Variants in PIEZO1 observed in about 807,000 individuals in gnomAD.
PIEZO1 encodes piezo-type mechanosensitive ion channel component 1.
PIEZO1 carries 296 observed loss-of-function variants against 297.2 expected under a neutral mutation model. The ratio of observed to expected loss-of-function variants is 1.00; its 90% CI spans 0.91 to 1.10. The LOEUF (loss-of-function observed/expected upper bound fraction) is 1.10, where lower values mean the gene tolerates loss of function less well. Among genes scored for constraint, PIEZO1 ranks in the 50% least tolerant of loss-of-function variants. The probability of loss-of-function intolerance (pLI) is 0.00; values close to 1 mark genes in which losing one functional copy is unlikely to be tolerated. For missense variants in PIEZO1, 5,018 were observed against 3,455.5 expected (o/e 1.45, Z -11.34); for synonymous variants, 2,427 against 1,507.5 (o/e 1.61, Z -14.13).
chr16:88,725,077 G>A lies in PIEZO1; in HGVS notation c.4166C>T (p.Pro1389Leu). ...CGGGGAGGAGCCCCCTGGACTGTCG[G>A]GCCCTGTGGAGGGGCAGGGTGAGCA... ...GPKDPGLEPG[P>L]DSPGGSSPPR... is the part of the protein sequence containing the mutation. The change falls in exon 30 of 51, where the codon CCC (proline) becomes CTC (leucine). Residue 1389 changes from proline (P) to leucine (L), a missense_variant. Coordinates refer to ENST00000301015, the MANE Select transcript of PIEZO1 (RefSeq NM_001142864.4). 1 of 1,511,760 alleles carries A rather than the reference G, an allele frequency of 6.6e-7. No homozygotes were observed. The highest frequency in any genetic ancestry group is 8.8e-7 in the Non-Finnish European group (1 of 1,132,694). 93.6% of individuals were successfully genotyped at this position (1,511,760 alleles called of 1,614,324 possible).
At chr16:88,727,232 C>G in intron 23 of PIEZO1, 40 bp from the exon 24 acceptor site, 1 of 1,496,404 alleles carries the variant, frequency 6.7e-7, no homozygotes, top group African/African-American at 1.4e-5. Flanking sequence ...ACACGGGGAC[C>G]CACACGAGGT....
At position 88,731,759 on chromosome 16, in the gene PIEZO1, A is replaced by G. The variant is rs1169272955; in HGVS notation, c.3143T>C (p.Phe1048Ser). 3 of 1,549,774 alleles carry G rather than the reference A, an allele frequency of 1.9e-6. No individual in the cohort carries two copies. Among genetic ancestry groups the G allele is most frequent in the East Asian group, 4.9e-5 (2 of 40,778 alleles). The change falls in exon 22 of 51, where the codon TTC becomes TCC. Residue 1048 changes from phenylalanine to serine, a missense_variant. Physicochemically the swap from Phe to Ser is radical, Grantham distance 155. Coordinates refer to ENST00000301015, the MANE Select transcript of PIEZO1 (RefSeq NM_001142864.4). ...WPNYCLFLALFLLYQYLLCLG... is the reference protein window; with the variant it reads ...WPNYCLFLALSLLYQYLLCLG... ...GCACAGCAGGTACTGGTACAGCAGG[A>G]ACAGCGCCAGGAAGAGGCAGTAGTT...
At position 88,755,151 on chromosome 16, in the gene PIEZO1, AC is replaced by A. The variant is rs574936427; in HGVS notation, c.65-5673del. Reference sequence around the variant, plus strand: ...GCACTAGCCGAGGACCACGACTGTCACCTCCACATTGCAGACGAGGAGATGG... The same window carrying A: ...GCACTAGCCGAGGACCACGACTGTCACTCCACATTGCAGACGAGGAGATGG... On this transcript the variant is annotated intron_variant, in intron 1 of 50. Transcript: ENST00000301015. Among the ~76,000 whole-genome samples, 4 of 152,220 alleles carry A rather than the reference AC, an allele frequency of 2.6e-5. No homozygotes were observed. The East Asian group carries it at 7.7e-4, about 29-fold the overall frequency.
At chr16:88,749,143 G>C (rs1446364492) in intron 2 of PIEZO1, among the ~76,000 whole-genome samples, 1 of 151,894 alleles carries the variant, frequency 6.6e-6, no homozygotes, top group Non-Finnish European at 1.5e-5. Flanking sequence ...GGGAGGCTGA[G>C]GCAGGAGAAT....
rs1904297838 is a variant in PIEZO1 at position 88,723,335 on chromosome 16, G to A, written c.4336-7C>T. ...CCCATGCCTGGTACGCCAGCTGTCG[G>A]CCAGCCCCCGGGTTAGGACCCGGCC... is the stretch of plus-strand genomic sequence containing the variant. On this transcript the variant is annotated splice_polypyrimidine_tract_variant and splice_region_variant and intron_variant, in intron 31 of 50. Coordinates refer to ENST00000301015, the MANE Select transcript of PIEZO1 (RefSeq NM_001142864.4). 6.5e-6 allele frequency: 10 copies of A among 1,537,082 alleles called. No individual in the cohort carries two copies. Among genetic ancestry groups the A allele is most frequent in the Non-Finnish European group, 8.7e-6 (10 of 1,146,568 alleles).
rs529060069 is a variant in PIEZO1, at chr16:88,769,766, G to A, written c.64+15135C>T. ...ACACAACATGTAGCTCTGGTGGGCGGAGCGTGGTGGGAAACAGGGAGGGGC... is the reference window on the plus strand; with the variant it reads ...ACACAACATGTAGCTCTGGTGGGCGAAGCGTGGTGGGAAACAGGGAGGGGC... On this transcript the variant is annotated intron_variant, in intron 1 of 50. Coordinates refer to ENST00000301015, the MANE Select transcript of PIEZO1 (RefSeq NM_001142864.4). Among the ~76,000 whole-genome samples the A allele has an allele frequency of 2.6e-5, 4 of 151,848 alleles. 1 individual carries two copies. Among genetic ancestry groups the A allele is most frequent in the Middle Eastern group, 6.8e-3 (2 of 294 alleles).
intron 9 of PIEZO1, 24 bp downstream of exon 9, chr16:88,737,704 G>C: frequency 6.5e-7 from 1 of 1,534,202 alleles, no homozygotes. Context: ...CCACGCTGGC[G>C]TCTCCACCTG....
At position 88,734,735 on chromosome 16, in the gene PIEZO1, T is replaced by C; in HGVS notation, c.1912A>G (p.Met638Val). The C allele has an allele frequency of 1.9e-6, 3 of 1,550,170 alleles. No homozygotes were observed. Among genetic ancestry groups the C allele is most frequent in the Non-Finnish European group, 2.6e-6 (3 of 1,146,902 alleles). The change falls in exon 15 of 51, where the codon ATG becomes GTG. Residue 638 changes from methionine to valine, a missense_variant. Physicochemically the swap from Met to Val is conservative, Grantham distance 21 (BLOSUM62 1). Coordinates refer to ENST00000301015, the MANE Select transcript of PIEZO1 (RefSeq NM_001142864.4). ...AFWWLVVAYT[M>V]LVLIAVYTFQ... ...GTGTAGACGGCGATGAGGACCAGCA[T>C]GGTGTAGGCCACCACGAGCCACCAG...
intron 5 of PIEZO1, chr16:88,738,962 A>G (rs919538714): frequency 1.7e-6 from 1 of 584,990 alleles, no homozygotes. Flanking sequence ...CCTTCCTGGT[A>G]GCAGCTCCCA....
Position 88,731,791 on chromosome 16 carries a change from G to C in PIEZO1, c.3111C>G (p.Leu1037=), listed in dbSNP as rs1904829424. ...CCAGGAAGAGGCAGTAGTTGGGCCA[G>C]AGGCGGGCAATGGCCTGGCGGTGCC... ...TRRHRQAIAR[L]WPNYCLFLAL... The change falls in exon 22 of 51, where the codon CTC becomes CTG. Residue 1037 remains leucine (L), a synonymous_variant. Coordinates refer to ENST00000301015, the MANE Select transcript of PIEZO1 (RefSeq NM_001142864.4). 1.3e-6 allele frequency: 2 copies of C among 1,549,406 alleles called. No homozygotes were observed. Among genetic ancestry groups the C allele is most frequent in the South Asian group, 1.2e-5 (1 of 84,020 alleles).
intron 2 of PIEZO1, chr16:88,742,944 G>A (rs1176914528): frequency 7.6e-6 from 3 of 394,726 alleles, no homozygotes; most frequent in African/African-American, 4.1e-5. Context: ...GGGGCTGCAA[G>A]GAGAAGTTGC....
At chr16:88,738,878 C>T (rs1447461009) in intron 5 of PIEZO1, 142 bp from the exon 6 acceptor site, 2 of 715,336 alleles carry the variant, frequency 2.8e-6, no homozygotes, top group South Asian at 1.8e-5. Context: ...CCTCCCCGGG[C>T]ACAGGCCCCA....
chr16:88,749,359 C>T (rs553189515), intron 2 of PIEZO1, 25 bp downstream of exon 2: 28 of 1,410,118 alleles, frequency 2.0e-5, no homozygotes, highest in African/African-American at 1.3e-4. Flanking sequence ...ACCCTGAGAG[C>T]GTGGGCAGGG....
chr16:88,742,809 G>A (rs1406384911), intron 2 of PIEZO1: 1 of 340,976 alleles, frequency 2.9e-6, no homozygotes, highest in African/African-American at 2.2e-5. Flanking sequence ...TCACCCCAGT[G>A]GGGGCTGCAG....
intron 5 of PIEZO1, chr16:88,739,949 G>C (rs1905529278): frequency 6.6e-6 from 1 of 152,420 alleles, no homozygotes; most frequent in Admixed American, 6.5e-5. Context: ...GAGAGAACAG[G>C]TGTGAGGCCA....
chr16:88,763,367 T>C (rs1390740986), intron 1 of PIEZO1, among the ~76,000 whole-genome samples: 4 of 152,190 alleles, frequency 2.6e-5, no homozygotes, highest in Non-Finnish European at 4.4e-5. Flanking sequence ...TTCTCTGGGA[T>C]TCTGTCTCTT....
At chr16:88,749,569 A>T in intron 1 of PIEZO1, 90 bp from the exon 2 acceptor site, 1 of 994,342 alleles carries the variant, frequency 1.0e-6, no homozygotes, top group Non-Finnish European at 1.5e-6. Context: ...AGCTCGTCAC[A>T]CCGCCGAGGC....
intron 1 of PIEZO1, among the ~76,000 whole-genome samples, chr16:88,762,506 G>A (rs570642400): frequency 6.6e-6 from 1 of 152,142 alleles, no homozygotes; most frequent in East Asian, 1.9e-4. Flanking sequence ...GAGAGGATGT[G>A]TCTGGGGAGG....
chr16:88,747,998 G>A (rs1906153097), intron 2 of PIEZO1, among the ~76,000 whole-genome samples: 1 of 152,216 alleles, frequency 6.6e-6, no homozygotes, highest in Admixed American at 6.5e-5. Context: ...CGTAGCCATG[G>A]ACAGGCCCCG....
Sources: gnomAD v4.1 joint callset for allele counts (sites outside exome capture counted in the v4.1 genomes callset) on GRCh38, gnomAD v4.1.1 for gene constraint, MANE v1.5 for transcripts, NCBI Gene and HGNC (gene_info 2026-07-23, HGNC 2026-07-21) for gene names.